NRG2: variants seen among roughly 807,000 people sequenced by gnomAD.
NRG2 encodes pro-neuregulin-2, membrane-bound isoform.
A neutral mutation model predicts 73.9 loss-of-function variants in NRG2; 27 were observed. The observed-to-expected ratio is 0.37, with a 90% CI of 0.27 to 0.50. The LOEUF is 0.50. Among genes scored for constraint, NRG2 ranks in the 20% least tolerant of loss-of-function variants. NRG2 has a pLI of 0.96. For missense variants in NRG2, 1,126 were observed against 1,210.1 expected, an observed-to-expected ratio of 0.93 and a Z score of 1.03; for synonymous variants, 532 against 541.0, an observed-to-expected ratio of 0.98 and a Z score of 0.23.
intron 1 of NRG2, among the ~76,000 whole-genome samples, chr5:139,989,054 T>A (rs1757382847): frequency 6.6e-6 from 1 of 152,080 alleles, no homozygotes; most frequent in South Asian, 2.1e-4. Context: ...GATGTTCATT[T>A]TAGACCTTTA....
At chr5:140,041,666 TAAA>T (rs762926051) in intron 1 of NRG2, among the ~76,000 whole-genome samples, 2 of 91,996 alleles carry the variant, frequency 2.2e-5, no homozygotes, top group Non-Finnish European at 4.7e-5. Flanking sequence ...CAGAAACAGC[TAAA>T]AAAAAAAAAA....
chr5:139,946,195 C>A (rs1241369678), intron 1 of NRG2, among the ~76,000 whole-genome samples: 1 of 152,088 alleles, frequency 6.6e-6, no homozygotes, highest in Non-Finnish European at 1.5e-5. Context: ...AAGACTCACA[C>A]TTCCCACTTT....
intron 1 of NRG2, among the ~76,000 whole-genome samples, chr5:139,987,949 T>A (rs1415149476): frequency 6.6e-6 from 1 of 152,142 alleles, no homozygotes; most frequent in Non-Finnish European, 1.5e-5. Context: ...TAATTTTTTG[T>A]ATTTTCAGTA....
rs1762669303 is a variant in NRG2 at position 139,868,894 on chromosome 5, T to C, written c.1112+2827A>G. Among the ~76,000 whole-genome samples the C allele has an allele frequency of 6.6e-6, 1 of 151,048 alleles. No homozygotes were observed. Among genetic ancestry groups the C allele is most frequent in the African/African-American group, 2.4e-5 (1 of 40,988 alleles). Reference sequence around the variant, plus strand: ...CAGAGGGATGAGGGGGATGAGCTGATGGGAAGGGGAGGCATGCCACTGGTA... The same window carrying C: ...CAGAGGGATGAGGGGGATGAGCTGACGGGAAGGGGAGGCATGCCACTGGTA... On this transcript the variant is annotated intron_variant, in intron 4 of 9. Transcript: ENST00000361474. The surrounding 1 kb of genome is among the most constrained non-coding windows in gnomAD (Gnocchi z 4.2).
intron 1 of NRG2, among the ~76,000 whole-genome samples, chr5:139,931,339 A>T (rs1453878185): frequency 6.6e-6 from 1 of 152,224 alleles, no homozygotes; most frequent in Non-Finnish European, 1.5e-5. Context: ...TGGGATATAA[A>T]TTTAAACATA....
chr5:139,973,409 G>A (rs549547690), intron 1 of NRG2, among the ~76,000 whole-genome samples: 1 of 152,184 alleles, frequency 6.6e-6, no homozygotes, highest in Non-Finnish European at 1.5e-5. Flanking sequence ...CTGGGCTGGA[G>A]TACAGTGGCA....
intron 1 of NRG2, among the ~76,000 whole-genome samples, chr5:139,988,433 A>AT (rs1322197756): frequency 2.6e-5 from 4 of 152,100 alleles, no homozygotes; most frequent in Non-Finnish European, 5.9e-5. Context: ...AAACTGTGGT[A>AT]AACCAGTAAA....
intron 1 of NRG2, among the ~76,000 whole-genome samples, chr5:140,021,520 C>T (rs1428986759): frequency 1.3e-5 from 2 of 152,202 alleles, no homozygotes; most frequent in African/African-American, 4.8e-5. Flanking sequence ...CTGTCCATGA[C>T]CTAAGAGAGA....
chr5:139,901,702 G>A (rs1764902381), intron 1 of NRG2, among the ~76,000 whole-genome samples: 1 of 152,250 alleles, frequency 6.6e-6, no homozygotes, highest in Non-Finnish European at 1.5e-5. Flanking sequence ...ACACTCTGGT[G>A]AAGACCAAAG....
chr5:139,848,978 C>A (rs1047115778), intron 9 of NRG2, among the ~76,000 whole-genome samples: 8 of 152,130 alleles, frequency 5.3e-5, no homozygotes, highest in Non-Finnish European at 7.4e-5. Flanking sequence ...GATGTGTTAG[C>A]CCTGTGCCTG....
At chr5:139,958,241 G>A (rs1754786513) in intron 1 of NRG2, among the ~76,000 whole-genome samples, 1 of 152,068 alleles carries the variant, frequency 6.6e-6, no homozygotes, top group Non-Finnish European at 1.5e-5. Flanking sequence ...TGTTCACCTT[G>A]CTCTCAGTTC....
At position 139,887,202 on chromosome 5, in the gene NRG2, G is replaced by T. The variant is rs1763922050; in HGVS notation, c.872+138C>A. On this transcript the variant is annotated intron_variant, in intron 2 of 9. Transcript: ENST00000361474. This position sits in a 1 kb window ranked among gnomAD's most constrained non-coding sequence, Gnocchi z 4.5. ...GAAGGCTGGGAGTGGCAAGGAAGGG[G>T]AGTATGGAGAGGGGCTGGGACTGGT... is the stretch of plus-strand genomic sequence containing the variant. 1.0e-6 allele frequency: 1 copy of T among 965,576 alleles called. No individual in the cohort carries two copies. Among genetic ancestry groups the T allele is most frequent in the Non-Finnish European group, 1.6e-6 (1 of 631,256 alleles). The allele number at this position is 965,576 out of a possible 1,614,324, so 59.8% of individuals were successfully genotyped here.
intron 1 of NRG2, among the ~76,000 whole-genome samples, chr5:140,027,889 A>G (rs1296221655): frequency 6.6e-6 from 1 of 152,132 alleles, no homozygotes; most frequent in East Asian, 1.9e-4. Flanking sequence ...ATGTTATGGG[A>G]AAAAAAGAGT....
chr5:139,912,412 C>T (rs1750901125), intron 1 of NRG2, among the ~76,000 whole-genome samples: 1 of 152,150 alleles, frequency 6.6e-6, no homozygotes, highest in Admixed American at 6.5e-5. Context: ...GCCCAACTTC[C>T]CTGGCCTGGT....
chr5:139,937,056 C>T (rs1752902450), intron 1 of NRG2, among the ~76,000 whole-genome samples: 1 of 152,230 alleles, frequency 6.6e-6, no homozygotes, highest in East Asian at 1.9e-4. Context: ...CCTGCCTTGG[C>T]CTCCCAAACT....
intron 3 of NRG2, among the ~76,000 whole-genome samples, chr5:139,876,201 T>C (rs1015385170): frequency 6.6e-6 from 1 of 152,192 alleles, no homozygotes; most frequent in Non-Finnish European, 1.5e-5. Context: ...GGAGTACTGA[T>C]CCATGCTACA....
At chr5:140,037,736 C>T (rs1761609081) in intron 1 of NRG2, among the ~76,000 whole-genome samples, 1 of 151,838 alleles carries the variant, frequency 6.6e-6, no homozygotes, top group East Asian at 1.9e-4. Context: ...GGTGAAAACC[C>T]GTCTCTACTA....
chr5:139,897,052 C>T (rs1764590899), intron 1 of NRG2, among the ~76,000 whole-genome samples: 1 of 152,234 alleles, frequency 6.6e-6, no homozygotes, highest in Non-Finnish European at 1.5e-5. Flanking sequence ...TCACCGATTG[C>T]TCCCCAAACT....
chr5:139,968,892 C>T (rs748029552), intron 1 of NRG2, among the ~76,000 whole-genome samples: 2 of 152,202 alleles, frequency 1.3e-5, no homozygotes, highest in East Asian at 1.9e-4. Flanking sequence ...GAGGGCACTC[C>T]GAGGCCGGTG....
Sources: allele counts gnomAD v4.1 joint callset (sites outside exome capture counted in the v4.1 genomes callset), GRCh38; gene constraint gnomAD v4.1.1; non-coding constraint Gnocchi (gnomAD v3.1); transcripts MANE v1.5; gene names NCBI Gene and HGNC (gene_info 2026-07-23, HGNC 2026-07-21).